Variants in ACOXL observed in about 807,000 individuals in gnomAD.
ACOXL encodes the protein acyl-coenzyme A oxidase-like protein.
In ACOXL, 70 loss-of-function variants were observed where a neutral mutation model predicts 71.9. That is an observed-to-expected ratio of 0.97 (90% confidence interval 0.80 to 1.19). The LOEUF is 1.19. ACOXL is among the 50% of genes most tolerant of loss of function. The probability of loss-of-function intolerance (pLI) is 0.00; values close to 1 mark genes in which losing one functional copy is unlikely to be tolerated. For missense variants in ACOXL, 703 were observed against 736.3 expected (o/e 0.95, Z 0.52); for synonymous variants, 253 against 281.6 (o/e 0.90, Z 1.02).
chr2:110,867,908 G>A (rs1694806983), intron 10 of ACOXL, among the ~76,000 whole-genome samples: 1 of 151,928 alleles, frequency 6.6e-6, no homozygotes, highest in Non-Finnish European at 1.5e-5. Flanking sequence ...GATTACAGGT[G>A]CCCACCACCA....
chr2:110,770,330 C>G (rs561587947), intron 2 of ACOXL, among the ~76,000 whole-genome samples: 4 of 152,188 alleles, frequency 2.6e-5, no homozygotes, highest in African/African-American at 9.7e-5. Flanking sequence ...AGATCCCTCT[C>G]CCTTCCCCAC....
At chr2:110,926,414 A>G (rs1325322907) in intron 11 of ACOXL, among the ~76,000 whole-genome samples, 2 of 152,216 alleles carry the variant, frequency 1.3e-5, no homozygotes, top group East Asian at 3.9e-4. Context: ...GGCCCGGCAT[A>G]TCATACATGC....
chr2:110,863,261 A>G (rs759793530), intron 10 of ACOXL, among the ~76,000 whole-genome samples: 2 of 152,244 alleles, frequency 1.3e-5, no homozygotes, highest in Non-Finnish European at 2.9e-5. Flanking sequence ...CCATGAAAGT[A>G]TTGCTCATGT....
chr2:110,854,783 T>C (rs1693042523), intron 10 of ACOXL, among the ~76,000 whole-genome samples: 1 of 152,146 alleles, frequency 6.6e-6, no homozygotes, highest in Non-Finnish European at 1.5e-5. Context: ...TTCTATTTTC[T>C]CCCTTGAAAA....
chr2:110,859,573 C>T (rs929977813), intron 10 of ACOXL, among the ~76,000 whole-genome samples: 70 of 152,216 alleles, frequency 4.6e-4, no homozygotes, highest in African/African-American at 1.6e-3. Context: ...GGGAGAAGGG[C>T]GGAGGAAATG....
intron 1 of ACOXL, among the ~76,000 whole-genome samples, chr2:110,742,754 A>G (rs1677702861): frequency 6.6e-6 from 1 of 152,276 alleles, no homozygotes; most frequent in Non-Finnish European, 1.5e-5. Context: ...AAAATGGATT[A>G]AAGACTTAAC....
intron 10 of ACOXL, among the ~76,000 whole-genome samples, chr2:110,897,373 T>G (rs1482546055): frequency 6.6e-6 from 1 of 152,170 alleles, no homozygotes; most frequent in East Asian, 1.9e-4. Context: ...CCACAGAAAT[T>G]TATTTCTTAT....
At chr2:110,866,576 G>A (rs575577430) in intron 10 of ACOXL, among the ~76,000 whole-genome samples, 8 of 152,132 alleles carry the variant, frequency 5.3e-5, no homozygotes, top group Non-Finnish European at 1.2e-4. Flanking sequence ...CAAAAGAGCC[G>A]CTTTGGAAGA....
At chr2:110,870,126 A>G (rs1244568919) in intron 10 of ACOXL, among the ~76,000 whole-genome samples, 1 of 152,186 alleles carries the variant, frequency 6.6e-6, no homozygotes, top group Admixed American at 6.5e-5. Flanking sequence ...TTTTCTGGGT[A>G]TTTAGGGCTG....
In ACOXL at chr2:110,900,295, A is replaced by G. The variant is rs1163565920; in HGVS notation, c.789-8494A>G. Among the ~76,000 whole-genome samples, 4 of 152,150 alleles carry G rather than the reference A, an allele frequency of 2.6e-5. No individual in the cohort carries two copies. The East Asian group carries it at 7.7e-4, about 29-fold the overall frequency. On this transcript the variant is annotated intron_variant, in intron 10 of 17. Coordinates refer to ENST00000439055, the MANE Select transcript of ACOXL (RefSeq NM_001142807.4). ...TGCTTTGTTTGGGAAAAAGAAACAA[A>G]AAGAGTGCTTTTTGGGGAAAATTTA... is the stretch of plus-strand genomic sequence containing the variant.
intron 10 of ACOXL, among the ~76,000 whole-genome samples, chr2:110,862,208 C>A (rs969998828): frequency 3.3e-5 from 5 of 152,154 alleles, no homozygotes; most frequent in Non-Finnish European, 7.3e-5. Context: ...CAGCCACATG[C>A]GACATTGGGA....
intron 17 of ACOXL, chr2:111,093,609 A>G (rs1004756100): frequency 5.3e-6 from 8 of 1,503,082 alleles, no homozygotes; most frequent in Admixed American, 3.5e-5. Flanking sequence ...TCATGCCTGT[A>G]ATCCCAGCAC....
intron 17 of ACOXL, chr2:111,112,815 G>A (rs1444140565): frequency 1.3e-5 from 2 of 152,242 alleles, no homozygotes; most frequent in African/African-American, 4.8e-5. Context: ...TACTGAAGGA[G>A]AATCTGCAGA....
intron 17 of ACOXL, among the ~76,000 whole-genome samples, chr2:111,117,213 C>T (rs2070421283): frequency 6.6e-6 from 1 of 152,264 alleles, no homozygotes; most frequent in South Asian, 2.1e-4. Context: ...CCCAGGCACT[C>T]CAGAGGTGGA....
intron 14 of ACOXL, among the ~76,000 whole-genome samples, chr2:111,019,101 T>A (rs2064617304): frequency 6.6e-6 from 1 of 152,170 alleles, no homozygotes; most frequent in African/African-American, 2.4e-5. Context: ...GCAGTCAGGT[T>A]CCATAACATA....
intron 9 of ACOXL, among the ~76,000 whole-genome samples, chr2:110,806,043 A>G (rs902305397): frequency 1.3e-5 from 2 of 152,190 alleles, no homozygotes; most frequent in African/African-American, 4.8e-5. Flanking sequence ...CTAGAAGAAA[A>G]ATTAAGTCTC....
chr2:110,900,074 C>CACACACACACAT (rs1386798015), intron 10 of ACOXL, among the ~76,000 whole-genome samples: 1 of 128,172 alleles, frequency 7.8e-6, no homozygotes. Context: ...AGCTTTTCAA[C>CACACACACACAT]ACACACACAC....
At chr2:110,970,108 A>G (rs370872845) in intron 12 of ACOXL, among the ~76,000 whole-genome samples, 2 of 152,184 alleles carry the variant, frequency 1.3e-5, no homozygotes, top group African/African-American at 4.8e-5. Flanking sequence ...AGAAAATAGA[A>G]GAGGAGAGGT....
chr2:110,956,711 C>T (rs756391567), intron 12 of ACOXL, among the ~76,000 whole-genome samples: 63 of 152,212 alleles, frequency 4.1e-4, no homozygotes, highest in Non-Finnish European at 8.4e-4. Context: ...TTGATTTAAT[C>T]TGTTTTGTCT....
Sources: gnomAD v4.1 joint callset for allele counts (sites outside exome capture counted in the v4.1 genomes callset) on GRCh38, gnomAD v4.1.1 for gene constraint, MANE v1.5 for transcripts, NCBI Gene and HGNC (gene_info 2026-07-23, HGNC 2026-07-21) for gene names.